The following ERCC3 variants were observed in gnomAD, a reference collection of about 807,000 sequenced individuals.
ERCC3 encodes the protein general transcription and DNA repair factor IIH helicase/translocase subunit XPB.
In ERCC3, 66 loss-of-function variants were observed where a neutral mutation model predicts 94.2. That is an observed-to-expected ratio of 0.70 (90% CI 0.57 to 0.86). The LOEUF is 0.86. Ranked by LOEUF, ERCC3 falls within the 40% of genes least tolerant of loss-of-function variation. The probability of loss-of-function intolerance (pLI) is 0.00; values close to 1 mark genes in which losing one functional copy is unlikely to be tolerated. For synonymous variants in ERCC3, 349 were observed against 369.1 expected (o/e 0.95, Z 0.63); for missense variants, 829 against 987.1 (o/e 0.84, Z 2.15).
chr2:127,281,240 T>C (rs1684899491), intron 8 of ERCC3, among the ~76,000 whole-genome samples: 3 of 152,312 alleles, frequency 2.0e-5, no homozygotes, highest in African/African-American at 7.2e-5. Context: ...TCTTCTCAGC[T>C]TCCCATCATT....
chr2:127,289,107 C>T (rs138761040), intron 6 of ERCC3, among the ~76,000 whole-genome samples: 1 of 152,314 alleles, frequency 6.6e-6, no homozygotes, highest in Non-Finnish European at 1.5e-5. Context: ...CACATCTCCT[C>T]AGGAACCTGT....
At position 127,259,686 on chromosome 2, in the gene ERCC3, G is replaced by A; in HGVS notation, c.2065-238C>T. 1.8e-6 allele frequency: 1 copy of A among 554,640 alleles called. No homozygotes were observed. Among genetic ancestry groups the A allele is most frequent in the African/African-American group, 1.9e-5 (1 of 52,990 alleles). 34.4% of individuals were successfully genotyped at this position (554,640 alleles called of 1,614,324 possible). A position where few individuals can be genotyped will look rare whatever the true frequency, so the allele number is the denominator to read the frequency against. On this transcript the variant is annotated intron_variant, in intron 13 of 14. Transcript: ENST00000285398. This position sits in a 1 kb window ranked among gnomAD's most constrained non-coding sequence, Gnocchi z 4.9. ...GGATGCAGGAATTTCAGAGAAATCT[G>A]CCCCCAGCACACAGCATCTAAATGA...
At chr2:127,289,223 G>A (rs1475152982) in intron 6 of ERCC3, 114 bp downstream of exon 6, 2 of 920,702 alleles carry the variant, frequency 2.2e-6, no homozygotes, top group African/African-American at 1.6e-5. Context: ...GCAATTCAGG[G>A]ACCAACAGGG....
rs1218086016 is a variant in ERCC3, at chr2:127,288,698, T to C, written c.989A>G (p.Asn330Ser). 1 of 1,614,076 alleles carries C rather than the reference T, an allele frequency of 6.2e-7. No individual in the cohort carries two copies. The change falls in exon 7 of 15, where the codon AAC becomes AGC. Residue 330 changes from asparagine (N) to serine (S), a missense_variant. Physicochemically the swap from Asn to Ser is conservative, Grantham distance 46. Transcript: ENST00000285398. The part of the protein sequence containing the change: ...QEKSLRKMFG[N>S]GRARSGVIVL... ...AATGACCCCCGAACGTGCACGCCCG[T>C]TTCCAAACATCTTTCGCAAGCTCTT...
At chr2:127,283,982 A>C (rs1342070940) in intron 8 of ERCC3, among the ~76,000 whole-genome samples, 1 of 151,056 alleles carries the variant, frequency 6.6e-6, no homozygotes, top group East Asian at 1.9e-4. Context: ...GTCACCTTCC[A>C]GACCAGCTCC....
intron 1 of ERCC3, 51 bp from the exon 2 acceptor site, chr2:127,293,769 C>A (rs774126372): frequency 3.2e-5 from 52 of 1,603,856 alleles, no homozygotes; most frequent in Middle Eastern, 3.3e-4. Flanking sequence ...TCAGGGTTCC[C>A]TCCGCACCGC....
Position 127,293,689 on chromosome 2 carries a change from CAT to C in ERCC3, c.56_57del (p.Tyr19Ter). 6.2e-7 allele frequency: 1 copy of C among 1,613,682 alleles called. No homozygotes were observed. Among genetic ancestry groups the C allele is most frequent in the Admixed American group, 1.7e-5 (1 of 60,036 alleles). On this transcript the variant is annotated frameshift_variant, in exon 2 of 15. Coordinates refer to ENST00000285398, the MANE Select transcript of ERCC3 (RefSeq NM_000122.2). LOFTEE classifies it high-confidence loss of function. ...RDKKKSRKRH[Y>X]EDEEDDEEDA... ...TCCTCTTCATCATCCTCTTCATCCT[CAT>C]AGTGCCGCTTCCTGGATTTCTTCTT...
chr2:127,269,578 C>G lies in ERCC3; in HGVS notation c.1945+1758G>C, dbSNP rs937969422. On this transcript the variant is annotated intron_variant, in intron 12 of 14. Coordinates refer to ENST00000285398, the MANE Select transcript of ERCC3 (RefSeq NM_000122.2). ...CTGGGACTACAGGCACCCGCCACCA[C>G]GCCCAGCTAATTTTTTGTATTTTTA... Among the ~76,000 whole-genome samples the G allele has an allele frequency of 3.3e-5, 5 of 151,414 alleles. No homozygotes were observed. The South Asian group carries it at 8.3e-4, about 25-fold the overall frequency.
Position 127,293,587 on chromosome 2 carries a change from C to T in ERCC3, c.160G>A (p.Asp54Asn). Residue 54 changes from aspartate to asparagine, a missense_variant, in exon 2 of 15, where the codon GAT (aspartate) becomes AAT (asparagine). By Grantham distance (23) the Asp-to-Asn change is conservative. Transcript: ENST00000285398. ...KQVDESGTKV[D>N]EYGAKDYRLQ... Reference sequence around the variant, plus strand: ...CTGTAGTCCTTGGCTCCATATTCATCCACTTTGGTGCCTGACTCATCCACC... The same window carrying T: ...CTGTAGTCCTTGGCTCCATATTCATTCACTTTGGTGCCTGACTCATCCACC... 1 of 1,614,218 alleles carries T rather than the reference C, an allele frequency of 6.2e-7. No individual in the cohort carries two copies. The highest frequency in any genetic ancestry group is 1.1e-5 in the South Asian group (1 of 91,084).
At chr2:127,261,477 C>T (rs1684188507) in intron 12 of ERCC3, 131 bp from the exon 13 acceptor site, 2 of 758,242 alleles carry the variant, frequency 2.6e-6, no homozygotes, top group South Asian at 1.4e-5. Context: ...ACCACCTGAA[C>T]TTGGCATGGG....
In ERCC3 at chr2:127,292,424, A is replaced by G. The variant is rs4150404; in HGVS notation, c.471+186T>C. The G allele has an allele frequency of 0.75, 491,704 of 659,984 alleles. 186,280 individuals are homozygous for G. Among genetic ancestry groups the G allele is most frequent in the East Asian group, 0.97 (36,501 of 37,492 alleles). The allele number at this position is 659,984 out of a possible 1,614,324, so 40.9% of individuals were successfully genotyped here. On this transcript the variant is annotated intron_variant, in intron 3 of 14. Coordinates refer to ENST00000285398, the MANE Select transcript of ERCC3 (RefSeq NM_000122.2). ...CAGAGTGTAGCGGCTCATGAGAAGC[A>G]TGGCCTCACCCAGAACACAATGCTG...
At position 127,288,724 on chromosome 2, in the gene ERCC3, C is replaced by T; in HGVS notation, c.963G>A (p.Glu321=). The T allele has an allele frequency of 1.2e-6, 2 of 1,614,206 alleles. No individual in the cohort carries two copies. Among genetic ancestry groups the T allele is most frequent in the Non-Finnish European group, 1.7e-6 (2 of 1,180,038 alleles). The change falls in exon 7 of 15, where the codon GAG becomes GAA. Residue 321 remains glutamate (E), a synonymous_variant. Transcript: ENST00000285398. ...TTCCAAACATCTTTCGCAAGCTCTT[C>T]TCCTGATAGGGTCTGAGGACAGCTG... The part of the protein sequence containing the change: ...KPTAVLRPYQ[E]KSLRKMFGNG...
rs192512473 is a variant in ERCC3 at position 127,274,088 on chromosome 2, T to C, written c.1731-1127A>G. Among the ~76,000 whole-genome samples, 3,030 of 149,848 alleles carry C rather than the reference T, an allele frequency of 0.02. 104 individuals are homozygous for C. The highest frequency in any genetic ancestry group is 0.071 in the African/African-American group (2,884 of 40,686). On this transcript the variant is annotated intron_variant, in intron 10 of 14. Transcript: ENST00000285398. This position sits in a 1 kb window ranked among gnomAD's most constrained non-coding sequence, Gnocchi z 4.0. ...CAGCACTTTGGGAGGCGGAGGTGGG[T>C]GGATCACCTGAGGCCAGGAGTTCGA...
Position 127,288,855 on chromosome 2 carries a change from C to A in ERCC3, c.832G>T (p.Glu278Ter). 10 of 1,613,234 alleles carry A rather than the reference C, an allele frequency of 6.2e-6. No homozygotes were observed. The highest frequency in any genetic ancestry group is 8.5e-6 in the Non-Finnish European group (10 of 1,179,458). Residue 278 changes from glutamate to a stop codon, truncating the protein, a stop_gained, in exon 7 of 15, where the codon GAG (glutamate) becomes TAG (stop). Coordinates refer to ENST00000285398, the MANE Select transcript of ERCC3 (RefSeq NM_000122.2). LOFTEE classifies it high-confidence loss of function. ...VSFEVKQEMIEELQKRCIHLE... is the reference protein window; with the variant it reads ...VSFEVKQEMI Reference sequence around the variant, plus strand: ...TGGATGCAACGTTTCTGGAGTTCCTCAATCATTTCCTGGAAAGAGGGCACA... The same window carrying A: ...TGGATGCAACGTTTCTGGAGTTCCTAAATCATTTCCTGGAAAGAGGGCACA...
chr2:127,289,516 G>A lies in ERCC3; in HGVS notation c.658-15C>T, dbSNP rs1329349315. On this transcript the variant is annotated splice_polypyrimidine_tract_variant and intron_variant, in intron 5 of 14. Coordinates refer to ENST00000285398, the MANE Select transcript of ERCC3 (RefSeq NM_000122.2). ...GTCTTAGAAATCTGTGAGAGAGGTA[G>A]GTGCTGAACGTGCACACAACATTTA... 5 of 1,612,174 alleles carry A rather than the reference G, an allele frequency of 3.1e-6. No individual in the cohort carries two copies. Among genetic ancestry groups the A allele is most frequent in the Middle Eastern group, 2.2e-4 (1 of 4,588 alleles).
At chr2:127,266,621 G>A (rs115629290) in intron 12 of ERCC3, among the ~76,000 whole-genome samples, 1,863 of 151,844 alleles carry the variant, frequency 0.012, 39 homozygotes, top group African/African-American at 0.043. Flanking sequence ...ATCGGCGTAA[G>A]CCACCACACC....
At position 127,288,753 on chromosome 2, in the gene ERCC3, G is replaced by A. The variant is rs763549081; in HGVS notation, c.934C>T (p.Pro312Ser). 6.2e-7 allele frequency: 1 copy of A among 1,614,108 alleles called. No individual in the cohort carries two copies. Among genetic ancestry groups the A allele is most frequent in the Non-Finnish European group, 8.5e-7 (1 of 1,179,994 alleles). ...VNPDINIDLK[P>S]TAVLRPYQEK... Reference sequence around the variant, plus strand: ...TGATAGGGTCTGAGGACAGCTGTGGGCTTTAGGTCAATGTTGATATCAGGG... The same window carrying A: ...TGATAGGGTCTGAGGACAGCTGTGGACTTTAGGTCAATGTTGATATCAGGG... Residue 312 changes from proline (P) to serine (S), a missense_variant, in exon 7 of 15, where the codon CCC (proline) becomes TCC (serine). Physicochemically the swap from Pro to Ser is moderately conservative, Grantham distance 74. Transcript: ENST00000285398.
intron 8 of ERCC3, among the ~76,000 whole-genome samples, chr2:127,285,794 T>C (rs766790767): frequency 1.3e-5 from 2 of 151,400 alleles, no homozygotes; most frequent in Non-Finnish European, 2.9e-5. Context: ...GAGGTTGCAG[T>C]GGGCCAAGAT....
At position 127,284,860 on chromosome 2, in the gene ERCC3, T is replaced by A. The variant is rs1006613674; in HGVS notation, c.1342+1843A>T. Reference sequence around the variant, plus strand: ...CACCACACTTGGCTAATTAAAAAAATTTTTTTTTGTAGAGACATGTCTCAC... The same window carrying A: ...CACCACACTTGGCTAATTAAAAAAAATTTTTTTTGTAGAGACATGTCTCAC... On this transcript the variant is annotated intron_variant, in intron 8 of 14. Coordinates refer to ENST00000285398, the MANE Select transcript of ERCC3 (RefSeq NM_000122.2). The surrounding 1 kb of genome is among the most constrained non-coding windows in gnomAD (Gnocchi z 4.1). Among the ~76,000 whole-genome samples the A allele has an allele frequency of 5.3e-5, 8 of 151,650 alleles. No homozygotes were observed. Among genetic ancestry groups the A allele is most frequent in the South Asian group, 2.1e-4 (1 of 4,800 alleles).
Sources: allele counts gnomAD v4.1 joint callset (sites outside exome capture counted in the v4.1 genomes callset), GRCh38; gene constraint gnomAD v4.1.1; non-coding constraint Gnocchi (gnomAD v3.1); transcripts MANE v1.5; gene names NCBI Gene and HGNC (gene_info 2026-07-23, HGNC 2026-07-21).